CHODL: variants seen among roughly 807,000 people sequenced by gnomAD.
CHODL encodes the protein chondrolectin, also known as transmembrane protein MT75.
A neutral mutation model predicts 34.5 loss-of-function variants in CHODL; 29 were observed. That is an observed-to-expected ratio of 0.84 (90% confidence interval 0.63 to 1.15). The LOEUF (loss-of-function observed/expected upper bound fraction) is 1.15. CHODL is among the 50% of genes most tolerant of loss of function. The probability of loss-of-function intolerance (pLI) is 0.00; values close to 1 mark genes in which losing one functional copy is unlikely to be tolerated. For synonymous variants in CHODL, 125 were observed against 116.1 expected, an observed-to-expected ratio of 1.08 and a Z score of -0.49; for missense variants, 332 against 332.5, an observed-to-expected ratio of 1.00 and a Z score of 0.01.
chr21:18,227,058 G>C (rs2073937709), intron 2 of CHODL, among the ~76,000 whole-genome samples: 1 of 152,126 alleles, frequency 6.6e-6, no homozygotes, highest in African/African-American at 2.4e-5. Context: ...TGTCTGGTTA[G>C]GGCCCATATT....
intron 2 of CHODL, among the ~76,000 whole-genome samples, chr21:18,155,123 A>T (rs560949663): frequency 1.3e-5 from 2 of 152,302 alleles, no homozygotes; most frequent in South Asian, 4.1e-4. Flanking sequence ...TCATCCTGTT[A>T]GTACTAGAGG....
chr21:17,958,016 T>G (rs1409542692), intron 1 of CHODL, among the ~76,000 whole-genome samples: 1 of 152,108 alleles, frequency 6.6e-6, no homozygotes, highest in Non-Finnish European at 1.5e-5. Flanking sequence ...ATTTTACAAC[T>G]TTTTGTTTGG....
intron 2 of CHODL, among the ~76,000 whole-genome samples, chr21:18,107,999 A>G (rs186755728): frequency 1.3e-5 from 2 of 152,348 alleles, no homozygotes; most frequent in East Asian, 3.9e-4. Flanking sequence ...ATAGTTAATT[A>G]TTCCAGGCTG....
At chr21:18,244,324 T>G (rs1037048527), upstream of CHODL, among the ~76,000 whole-genome samples, 3 of 152,220 alleles carry the variant, frequency 2.0e-5, no homozygotes, top group African/African-American at 7.2e-5. Flanking sequence ...TTGTGGCAGT[T>G]TTCGTCAAAC....
At chr21:18,194,868 A>G (rs1032078580) in intron 2 of CHODL, among the ~76,000 whole-genome samples, 1 of 151,842 alleles carries the variant, frequency 6.6e-6, no homozygotes, top group East Asian at 1.9e-4. Flanking sequence ...TGTGTACAGC[A>G]TGTTGTTTTG....
intron 1 of CHODL, among the ~76,000 whole-genome samples, chr21:17,954,797 C>T (rs1258978561): frequency 2.3e-5 from 3 of 130,194 alleles, no homozygotes; most frequent in Admixed American, 1.5e-4. Context: ...GCCAATTCCT[C>T]CAATTATTCA....
intron 2 of CHODL, among the ~76,000 whole-genome samples, chr21:18,176,439 T>C (rs2073313881): frequency 6.6e-6 from 1 of 152,190 alleles, no homozygotes; most frequent in South Asian, 2.1e-4. Flanking sequence ...ATAGTTACTA[T>C]AAACAACAGA....
intron 1 of CHODL, among the ~76,000 whole-genome samples, chr21:18,000,552 G>C (rs1038691078): frequency 6.6e-6 from 1 of 152,072 alleles, no homozygotes; most frequent in African/African-American, 2.4e-5. Context: ...TCTTGTTCTA[G>C]TAAGTCACTT....
chr21:17,969,684 T>C (rs952800077), intron 1 of CHODL, among the ~76,000 whole-genome samples: 5 of 152,204 alleles, frequency 3.3e-5, no homozygotes, highest in African/African-American at 9.6e-5. Flanking sequence ...TGTCCTCTCT[T>C]CTTTCTGAAT....
chr21:18,048,957 G>C (rs1445657803), intron 2 of CHODL, among the ~76,000 whole-genome samples: 1 of 151,846 alleles, frequency 6.6e-6, no homozygotes. Flanking sequence ...GGTTTACAAT[G>C]ATTTTCAGAT....
intron 1 of CHODL, among the ~76,000 whole-genome samples, chr21:17,968,706 CA>C (rs1256699265): frequency 1.3e-5 from 2 of 152,152 alleles, no homozygotes; most frequent in Non-Finnish European, 2.9e-5. Flanking sequence ...AAACATTTAC[CA>C]AATGCTAACC....
chr21:17,950,260 A>T (rs1160617377), intron 1 of CHODL, among the ~76,000 whole-genome samples: 2 of 152,172 alleles, frequency 1.3e-5, no homozygotes, highest in Admixed American at 6.5e-5. Context: ...TTTCTATATT[A>T]AAAAAATTAC....
chr21:18,078,559 C>T (rs953263495), intron 2 of CHODL, among the ~76,000 whole-genome samples: 1 of 152,148 alleles, frequency 6.6e-6, no homozygotes, highest in Non-Finnish European at 1.5e-5. Context: ...GATACATCGA[C>T]TTTTGAATTA....
upstream of CHODL, among the ~76,000 whole-genome samples, chr21:18,239,873 G>A (rs2074064880): frequency 2.6e-5 from 4 of 151,650 alleles, no homozygotes; most frequent in South Asian, 8.3e-4. Context: ...AATTAAATGA[G>A]GATATAGCCA....
chr21:18,256,425 A>G (rs187365040), intron 1 of CHODL, 84 bp from the exon 2 acceptor site: 2 of 1,252,468 alleles, frequency 1.6e-6, no homozygotes, highest in African/African-American at 3.0e-5. Context: ...TTCTGCTTTG[A>G]CTGGTTCTTA....
At chr21:17,947,474 C>T (rs1025490152) in intron 1 of CHODL, among the ~76,000 whole-genome samples, 6 of 151,796 alleles carry the variant, frequency 4.0e-5, no homozygotes, top group African/African-American at 1.5e-4. Context: ...TATTTGCAAA[C>T]TGTGCATCTG....
chr21:18,104,600 T>C (rs921545818), intron 2 of CHODL, among the ~76,000 whole-genome samples: 2 of 152,184 alleles, frequency 1.3e-5, no homozygotes, highest in Non-Finnish European at 2.9e-5. Context: ...TTCAACTTAC[T>C]GTAGGCCAAT....
intron 2 of CHODL, among the ~76,000 whole-genome samples, chr21:18,229,668 A>G (rs528884172): frequency 6.6e-6 from 1 of 152,234 alleles, no homozygotes; most frequent in Non-Finnish European, 1.5e-5. Flanking sequence ...GAATAATAAT[A>G]CAAACTACCC....
chr21:18,113,243 G>C (rs1024942185), intron 2 of CHODL, among the ~76,000 whole-genome samples: 2 of 152,158 alleles, frequency 1.3e-5, no homozygotes, highest in Admixed American at 1.3e-4. Context: ...AGTTATAAAA[G>C]ACAGGCAATA....
Sources: allele counts gnomAD v4.1 joint callset (sites outside exome capture counted in the v4.1 genomes callset), GRCh38; gene constraint gnomAD v4.1.1; transcripts MANE v1.5; gene names NCBI Gene and HGNC (gene_info 2026-07-23, HGNC 2026-07-21).